Variants in TPRG1 observed in about 807,000 individuals in gnomAD.
The protein encoded by TPRG1 is tumor protein p63-regulated gene 1 protein.
In TPRG1, 29 loss-of-function variants were observed where a neutral mutation model predicts 29.3. The ratio of observed to expected loss-of-function variants is 0.99; its 90% CI spans 0.74 to 1.35. TPRG1 has a LOEUF of 1.35. Among genes scored for constraint, TPRG1 ranks in the 40% most tolerant of loss-of-function variants. The pLI, the probability that TPRG1 is intolerant of heterozygous loss-of-function variation, is 0.00. For missense variants in TPRG1, 327 were observed against 335.0 expected, an observed-to-expected ratio of 0.98 and a Z score of 0.19; for synonymous variants, 130 against 116.8, an observed-to-expected ratio of 1.11 and a Z score of -0.73.
chr3:189,103,237 T>C (rs1719415222), intron 1 of TPRG1, among the ~76,000 whole-genome samples: 1 of 152,204 alleles, frequency 6.6e-6, no homozygotes, highest in Non-Finnish European at 1.5e-5. Flanking sequence ...CTATGGCTGA[T>C]TTTGGATAAA....
chr3:189,072,807 TG>T (rs1470518865), intron 4 of TPRG1, among the ~76,000 whole-genome samples: 2 of 152,168 alleles, frequency 1.3e-5, no homozygotes, highest in Non-Finnish European at 2.9e-5. Context: ...TATCTGTCTA[TG>T]TAATTTTTAT....
intron 4 of TPRG1, among the ~76,000 whole-genome samples, chr3:189,045,891 C>G (rs1332426591): frequency 6.6e-6 from 1 of 152,040 alleles, no homozygotes; most frequent in Non-Finnish European, 1.5e-5. Context: ...TCCAAAGGTT[C>G]AATATACACA....
chr3:189,320,152 T>G (rs1724144319), intron 5 of TPRG1, among the ~76,000 whole-genome samples: 1 of 147,586 alleles, frequency 6.8e-6, no homozygotes, highest in South Asian at 2.1e-4. Context: ...GACAGCGGGG[T>G]TTTTTTGCCT....
rs539049795 is a variant in TPRG1 at position 189,066,414 on chromosome 3, C to A, written c.-463+42468C>A. 6.6e-5 allele frequency among the ~76,000 whole-genome samples: 10 copies of A among 152,076 alleles called. 1 individual carries two copies. In the South Asian group the frequency reaches 1.9e-3, roughly 28 times the overall value. On this transcript the variant is annotated intron_variant, in intron 4 of 10. Coordinates refer to the TPRG1 transcript ENST00000433971. ...CGCTAATAAACATTGAGCAGAAATT[C>A]TTAATATAATACTAGCAAACTGACT...
chr3:189,094,900 C>T (rs991528307), intron 4 of TPRG1, among the ~76,000 whole-genome samples: 7 of 152,160 alleles, frequency 4.6e-5, no homozygotes, highest in African/African-American at 1.7e-4. Flanking sequence ...AGGGAGCAGG[C>T]CCATCCATCC....
At chr3:189,091,771 A>G (rs1718352727) in intron 4 of TPRG1, among the ~76,000 whole-genome samples, 1 of 151,988 alleles carries the variant, frequency 6.6e-6, no homozygotes, top group African/African-American at 2.4e-5. Context: ...TTATTTATTA[A>G]TCTGTTTTCT....
At chr3:189,274,395 G>T (rs541025978) in intron 4 of TPRG1, among the ~76,000 whole-genome samples, 1 of 150,110 alleles carries the variant, frequency 6.7e-6, no homozygotes, top group South Asian at 2.1e-4. Flanking sequence ...TGTAATTGCC[G>T]TTTGTTCAGC....
At chr3:189,227,798 GGC>G (rs1737993677) in intron 3 of TPRG1, among the ~76,000 whole-genome samples, 1 of 152,162 alleles carries the variant, frequency 6.6e-6, no homozygotes, top group African/African-American at 2.4e-5. Context: ...GAGAGACCCT[GGC>G]TCTAAAATTA....
chr3:189,240,068 T>A (rs1056680963), intron 4 of TPRG1, among the ~76,000 whole-genome samples: 1 of 152,192 alleles, frequency 6.6e-6, no homozygotes, highest in Non-Finnish European at 1.5e-5. Context: ...TAGTAGGGTC[T>A]GAAATCTTTT....
At chr3:189,215,623 A>G (rs1735951739) in intron 3 of TPRG1, among the ~76,000 whole-genome samples, 1 of 152,040 alleles carries the variant, frequency 6.6e-6, no homozygotes, top group Admixed American at 6.6e-5. Flanking sequence ...CGTCTACCTT[A>G]GGTCAGGCCT....
chr3:189,072,454 A>G (rs1203313961), intron 4 of TPRG1, among the ~76,000 whole-genome samples: 7 of 152,054 alleles, frequency 4.6e-5, no homozygotes, highest in African/African-American at 1.7e-4. Flanking sequence ...CAATGTGGAT[A>G]TTTTTTATAT....
intron 3 of TPRG1, among the ~76,000 whole-genome samples, chr3:189,235,327 G>A (rs1010109427): frequency 1.3e-5 from 2 of 149,404 alleles, no homozygotes; most frequent in African/African-American, 4.9e-5. Context: ...AGTAACCCAA[G>A]CCTAGAGTGA....
chr3:189,199,256 A>G (rs918972955), intron 1 of TPRG1, among the ~76,000 whole-genome samples: 2 of 152,192 alleles, frequency 1.3e-5, no homozygotes, highest in African/African-American at 2.4e-5. Flanking sequence ...CAAGAGAACC[A>G]ATTTGCTCAG....
intron 3 of TPRG1, among the ~76,000 whole-genome samples, chr3:189,143,654 C>G (rs1006890012): frequency 6.6e-6 from 1 of 152,126 alleles, no homozygotes; most frequent in Admixed American, 6.6e-5. Context: ...TCCTAGACAC[C>G]TCTTTGTAAT....
intron 4 of TPRG1, among the ~76,000 whole-genome samples, chr3:189,066,476 A>G (rs1408256106): frequency 6.6e-6 from 1 of 152,154 alleles, no homozygotes; most frequent in African/African-American, 2.4e-5. Context: ...ATCATGACCA[A>G]GTGGGATTCA....
chr3:189,043,658 A>G (rs960933419), intron 4 of TPRG1, among the ~76,000 whole-genome samples: 4 of 152,104 alleles, frequency 2.6e-5, no homozygotes, highest in African/African-American at 9.7e-5. Context: ...ATATATTGAC[A>G]CCACCTCAAT....
chr3:189,250,241 A>G (rs1168491238), intron 4 of TPRG1, among the ~76,000 whole-genome samples: 1 of 152,154 alleles, frequency 6.6e-6, no homozygotes, highest in Admixed American at 6.5e-5. Flanking sequence ...ACCCTGGGCT[A>G]GGAACATACC....
chr3:189,104,191 T>G lies in TPRG1; in HGVS notation c.-744+3987T>G, dbSNP rs530718213. Among the ~76,000 whole-genome samples the G allele has an allele frequency of 1.5e-3, 221 of 152,246 alleles. 2 individuals carry two copies. Among genetic ancestry groups the G allele is most frequent in the African/African-American group, 5.1e-3 (212 of 41,540 alleles). On this transcript the variant is annotated intron_variant, in intron 1 of 6. Transcript: ENST00000412373. ...ACTTAGGAGGTGCTTAACTGATGTATGTTGACTCAATAAATAAAGAAAGAA... is the reference window on the plus strand; with the variant it reads ...ACTTAGGAGGTGCTTAACTGATGTAGGTTGACTCAATAAATAAAGAAAGAA...
intron 4 of TPRG1, among the ~76,000 whole-genome samples, chr3:189,064,363 G>A (rs1047997813): frequency 6.6e-6 from 1 of 152,058 alleles, no homozygotes; most frequent in Admixed American, 6.6e-5. Context: ...CCACAGAATA[G>A]GGCTTTCTTG....
Sources: gnomAD v4.1 joint callset for allele counts (sites outside exome capture counted in the v4.1 genomes callset) on GRCh38, gnomAD v4.1.1 for gene constraint, MANE v1.5 for transcripts, NCBI Gene and HGNC (gene_info 2026-07-23, HGNC 2026-07-21) for gene names.